RNF144A: variants seen among roughly 807,000 people sequenced by gnomAD.
RNF144A encodes the protein ring finger protein 144A, also known as E3 ubiquitin-protein ligase RNF144A.
In RNF144A, 11 loss-of-function variants were observed where a neutral mutation model predicts 38.7. The observed-to-expected ratio is 0.28, with a 90% CI of 0.18 to 0.47. The LOEUF (loss-of-function observed/expected upper bound fraction) is 0.47, where lower values mean the gene tolerates loss of function less well. RNF144A is among the 20% of genes least tolerant of loss of function. The pLI, the probability that RNF144A is intolerant of heterozygous loss-of-function variation, is 0.99. For synonymous variants in RNF144A, 149 were observed against 143.9 expected, an observed-to-expected ratio of 1.04 and a Z score of -0.25; for missense variants, 316 against 377.2, an observed-to-expected ratio of 0.84 and a Z score of 1.34.
chr2:6,976,272 C>A lies in RNF144A; in HGVS notation c.-11-20644C>A, dbSNP rs35114992. On this transcript the variant is annotated intron_variant, in intron 2 of 8. Transcript: ENST00000320892. ...CCTACAGCCTCCCCCACAGGGTTTG[C>A]GAAATATTTGAATTTTTGCCAACTT... Among the ~76,000 whole-genome samples the A allele has an allele frequency of 5.7e-4, 86 of 152,204 alleles. 1 individual carries two copies. The highest frequency in any genetic ancestry group is 2.0e-3 in the African/African-American group (82 of 41,522).
rs998473061 is a variant in RNF144A, at chr2:7,020,690, G to T, written c.509+10G>T. The T allele has an allele frequency of 1.3e-6, 2 of 1,597,694 alleles. No individual in the cohort carries two copies. Among genetic ancestry groups the T allele is most frequent in the African/African-American group, 2.7e-5 (2 of 74,984 alleles). ...TCCCCGGGGAGACCAGGTACCCTTTGTACACAAGCTGCCACCAAAGGCATG... is the reference window on the plus strand; with the variant it reads ...TCCCCGGGGAGACCAGGTACCCTTTTTACACAAGCTGCCACCAAAGGCATG... On this transcript the variant is annotated intron_variant, in intron 6 of 8. Transcript: ENST00000320892.
At chr2:7,013,184 T>C (rs1670926579) in intron 3 of RNF144A, among the ~76,000 whole-genome samples, 1 of 152,238 alleles carries the variant, frequency 6.6e-6, no homozygotes, top group African/African-American at 2.4e-5. Context: ...CTGTGTATTC[T>C]TCTATACTTT....
rs753355780 is a variant in RNF144A at position 7,020,380 on chromosome 2, C to T, written c.302-93C>T. ...CTGGCTGTATTACCTGGACATGTTC[C>T]TCCCTGTCCGTGCACTGAGGGGCTC... is the stretch of plus-strand genomic sequence containing the variant. On this transcript the variant is annotated intron_variant, in intron 5 of 8. Coordinates refer to ENST00000320892, the MANE Select transcript of RNF144A (RefSeq NM_014746.6). 6.3e-4 allele frequency: 693 copies of T among 1,098,924 alleles called. 1 individual carries two copies. Among genetic ancestry groups the T allele is most frequent in the Non-Finnish European group, 8.6e-4 (636 of 738,714 alleles). The allele number at this position is 1,098,924 out of a possible 1,614,324, so 68.1% of individuals were successfully genotyped here.
intron 3 of RNF144A, among the ~76,000 whole-genome samples, chr2:7,010,103 G>A (rs911135910): frequency 1.3e-5 from 2 of 152,226 alleles, no homozygotes; most frequent in African/African-American, 4.8e-5. Flanking sequence ...ATTATTGATG[G>A]CTCTAGAAAG....
At chr2:6,938,290 C>T (rs1665732083) in intron 1 of RNF144A, among the ~76,000 whole-genome samples, 1 of 139,822 alleles carries the variant, frequency 7.2e-6, no homozygotes, top group South Asian at 2.5e-4. Flanking sequence ...TCTTGTTGCC[C>T]AGGCTGGAGT....
chr2:6,954,159 A>G (rs1253134788), intron 2 of RNF144A, among the ~76,000 whole-genome samples: 2 of 152,072 alleles, frequency 1.3e-5, no homozygotes, highest in Non-Finnish European at 2.9e-5. Flanking sequence ...TTGGCTATCA[A>G]GCTTAATCCA....
At chr2:7,008,248 G>A (rs140250080) in intron 3 of RNF144A, among the ~76,000 whole-genome samples, 196 of 152,342 alleles carry the variant, frequency 1.3e-3, no homozygotes, top group African/African-American at 4.5e-3. Context: ...CCTCCTTTTT[G>A]GCAGCGGGTG....
intron 1 of RNF144A, among the ~76,000 whole-genome samples, chr2:6,923,945 A>G (rs772141255): frequency 6.6e-6 from 1 of 152,184 alleles, no homozygotes; most frequent in Non-Finnish European, 1.5e-5. Flanking sequence ...AGTGCCTATC[A>G]TGCTCTTTCT....
intron 6 of RNF144A, among the ~76,000 whole-genome samples, chr2:7,057,370 G>C (rs763231145): frequency 8.5e-5 from 13 of 152,298 alleles, no homozygotes; most frequent in South Asian, 4.1e-4. Context: ...AAGGTTTAGG[G>C]ACAGCTTAAT....
chr2:7,035,120 G>A (rs1369489879), intron 8 of RNF144A, among the ~76,000 whole-genome samples: 1 of 152,232 alleles, frequency 6.6e-6, no homozygotes, highest in Non-Finnish European at 1.5e-5. Flanking sequence ...AGCCCGCTCA[G>A]GATGGCCTGC....
chr2:6,938,482 G>A (rs1351209213), intron 1 of RNF144A, among the ~76,000 whole-genome samples: 4 of 151,936 alleles, frequency 2.6e-5, no homozygotes, highest in Non-Finnish European at 5.9e-5. Context: ...TCCTGACCTC[G>A]TGATCCACCT....
downstream of RNF144A, among the ~76,000 whole-genome samples, chr2:7,070,932 GT>G (rs138072047): frequency 0.012 from 1,454 of 122,972 alleles, 17 homozygotes; most frequent in African/African-American, 0.036. Flanking sequence ...GCTTTGCTGA[GT>G]TTTTTTTTTT....
Position 6,977,067 on chromosome 2 carries a change from A to G in RNF144A, c.-11-19849A>G, listed in dbSNP as rs528212497. ...GGATTAAAAAAATTTAAGTTCCTTG[A>G]TAAATATTACGCATTGCCTCTCAAA... is the stretch of plus-strand genomic sequence containing the variant. On this transcript the variant is annotated intron_variant, in intron 2 of 8. Coordinates refer to ENST00000320892, the MANE Select transcript of RNF144A (RefSeq NM_014746.6). 2.0e-5 allele frequency among the ~76,000 whole-genome samples: 3 copies of G among 152,388 alleles called. No homozygotes were observed. The East Asian group carries it at 5.8e-4, about 29-fold the overall frequency.
intron 3 of RNF144A, among the ~76,000 whole-genome samples, chr2:7,002,570 G>A (rs1670179614): frequency 6.6e-6 from 1 of 152,148 alleles, no homozygotes; most frequent in Admixed American, 6.5e-5. Flanking sequence ...CAGATTGAGA[G>A]GACTTTGCTA....
intron 2 of RNF144A, among the ~76,000 whole-genome samples, chr2:6,952,914 G>A (rs979582502): frequency 6.6e-6 from 1 of 151,906 alleles, no homozygotes; most frequent in South Asian, 2.1e-4. Context: ...GCCAGATTGT[G>A]CATTTATTAT....
At chr2:7,005,176 T>G (rs771525050) in intron 3 of RNF144A, among the ~76,000 whole-genome samples, 1 of 152,212 alleles carries the variant, frequency 6.6e-6, no homozygotes, top group Non-Finnish European at 1.5e-5. Context: ...GTTCTTCAGC[T>G]GAAGGTCCCT....
intron 7 of RNF144A, among the ~76,000 whole-genome samples, chr2:7,029,830 G>A (rs1312374040): frequency 6.6e-6 from 1 of 152,246 alleles, no homozygotes. Context: ...GCCAGCCACT[G>A]TGCAGGGGAG....
intron 2 of RNF144A, among the ~76,000 whole-genome samples, chr2:6,981,186 C>T (rs1417461880): frequency 6.6e-6 from 1 of 152,194 alleles, no homozygotes; most frequent in African/African-American, 2.4e-5. Flanking sequence ...GCCCTGGAGA[C>T]ATTTTCCCCC....
At chr2:6,940,607 C>A (rs151100055) in intron 1 of RNF144A, among the ~76,000 whole-genome samples, 1 of 152,012 alleles carries the variant, frequency 6.6e-6, no homozygotes, top group Non-Finnish European at 1.5e-5. Context: ...CCCTGAGAAG[C>A]AAGCGTTTCT....
Sources: allele counts gnomAD v4.1 joint callset (sites outside exome capture counted in the v4.1 genomes callset), GRCh38; gene constraint gnomAD v4.1.1; transcripts MANE v1.5; gene names NCBI Gene and HGNC (gene_info 2026-07-23, HGNC 2026-07-21).